Variants in GNL1 observed in about 807,000 individuals in gnomAD.
The protein encoded by GNL1 is G protein nucleolar 1.
In GNL1, 21 loss-of-function variants were observed where a neutral mutation model predicts 75.2. That is an observed-to-expected ratio of 0.28 (90% CI 0.20 to 0.40). GNL1 has a LOEUF of 0.40. Among genes scored for constraint, GNL1 ranks in the 10% least tolerant of loss-of-function variants. The pLI is 1.00. For synonymous variants in GNL1, 287 were observed against 303.4 expected, an observed-to-expected ratio of 0.95 and a Z score of 0.56; for missense variants, 579 against 775.0, an observed-to-expected ratio of 0.75 and a Z score of 3.00.
rs2524221 is a variant in GNL1 at position 30,552,074 on chromosome 6, G to C, written c.1099+393C>G. 0.67 allele frequency: 129,763 copies of C among 195,010 alleles called. 43,384 individuals carry two copies. Among genetic ancestry groups the C allele is most frequent in the South Asian group, 0.76 (4,684 of 6,134 alleles). The allele number at this position is 195,010 out of a possible 1,614,324, so 12.1% of individuals were successfully genotyped here. A position where few individuals can be genotyped will look rare whatever the true frequency, so the allele number is the denominator to read the frequency against. On this transcript the variant is annotated intron_variant, in intron 8 of 11. Transcript: ENST00000376621. The surrounding 1 kb of genome is among the most constrained non-coding windows in gnomAD (Gnocchi z 4.5). ...AGATGGGGTTTCACTATGTTGCCCA[G>C]ACTAGTCTTGAGCTCCTGGTCTCAA...
Position 30,556,396 on chromosome 6 carries a change from T to G in GNL1, c.-193A>C. Reference sequence around the variant, plus strand: ...AGGCGGACGGGGGAGATATAGTCACTTCCCTCCAGGAGCGAGGCGAGAGGA... The same window carrying G: ...AGGCGGACGGGGGAGATATAGTCACGTCCCTCCAGGAGCGAGGCGAGAGGA... On this transcript the variant is annotated 5_prime_UTR_variant, in exon 1 of 12. Coordinates refer to ENST00000376621, the MANE Select transcript of GNL1 (RefSeq NM_005275.5). The surrounding 1 kb of genome is among the most constrained non-coding windows in gnomAD (Gnocchi z 5.7). 29 of 609,080 alleles carry G rather than the reference T, an allele frequency of 4.8e-5. No individual in the cohort carries two copies. Among genetic ancestry groups the G allele is most frequent in the East Asian group, 1.5e-4 (5 of 34,382 alleles). 37.7% of individuals were successfully genotyped at this position (609,080 alleles called of 1,614,324 possible). A position where few individuals can be genotyped will look rare whatever the true frequency, so the allele number is the denominator to read the frequency against.
chr6:30,556,363 G>T lies in GNL1; in HGVS notation c.-160C>A. ...GCCCGACAGAATTACCGCCGCGGCG[G>T]CGATGGAAGGCGGACGGGGGAGATA... On this transcript the variant is annotated 5_prime_UTR_variant, in exon 1 of 12. Coordinates refer to ENST00000376621, the MANE Select transcript of GNL1 (RefSeq NM_005275.5). This position sits in a 1 kb window ranked among gnomAD's most constrained non-coding sequence, Gnocchi z 5.7. The T allele has an allele frequency of 1.4e-6, 1 of 719,552 alleles. No homozygotes were observed. The highest frequency in any genetic ancestry group is 2.3e-6 in the Non-Finnish European group (1 of 431,994). 44.6% of individuals were successfully genotyped at this position (719,552 alleles called of 1,614,324 possible).
chr6:30,555,299 C>T lies in GNL1; in HGVS notation c.240-108G>A. 1 of 1,334,410 alleles carries T rather than the reference C, an allele frequency of 7.5e-7. No individual in the cohort carries two copies. Among genetic ancestry groups the T allele is most frequent in the Non-Finnish European group, 1.0e-6 (1 of 954,274 alleles). The allele number at this position is 1,334,410 out of a possible 1,614,324, so 82.7% of individuals were successfully genotyped here. On this transcript the variant is annotated intron_variant, in intron 2 of 11. Coordinates refer to ENST00000376621, the MANE Select transcript of GNL1 (RefSeq NM_005275.5). The surrounding 1 kb of genome is among the most constrained non-coding windows in gnomAD (Gnocchi z 4.3). ...GCAAACCATTCTCTCCAGAGTCGTT[C>T]AAGTCTCCTCTCTCAAGTCAGACTT...
In GNL1 at chr6:30,541,770, G is replaced by T. The variant is rs1799180933; in HGVS notation, c.*4302C>A. 6.6e-6 allele frequency: 1 copy of T among 152,140 alleles called. No individual in the cohort carries two copies. Among genetic ancestry groups the T allele is most frequent in the Non-Finnish European group, 1.5e-5 (1 of 68,016 alleles). 9.4% of individuals were successfully genotyped at this position (152,140 alleles called of 1,614,324 possible). A position where few individuals can be genotyped will look rare whatever the true frequency, so the allele number is the denominator to read the frequency against. Reference sequence around the variant, plus strand: ...ATATTGCAGTTACTCGTATATTACTGACACTGGAACAGACATGTTTTAACA... The same window carrying T: ...ATATTGCAGTTACTCGTATATTACTTACACTGGAACAGACATGTTTTAACA... On this transcript the variant is annotated 3_prime_UTR_variant, in exon 12 of 12. Coordinates refer to ENST00000376621, the MANE Select transcript of GNL1 (RefSeq NM_005275.5).
In GNL1 at chr6:30,553,460, G is replaced by A; in HGVS notation, c.698C>T (p.Ala233Val). The change falls in exon 6 of 12, where the codon GCT becomes GTT. Residue 233 changes from alanine to valine, a missense_variant. By Grantham distance (64) the Ala-to-Val change is moderately conservative (BLOSUM62 0). Coordinates refer to ENST00000376621, the MANE Select transcript of GNL1 (RefSeq NM_005275.5). ...VLNKVDLAPP[A>V]LVVAWKHYFH... ...ATAATGCTTCCAGGCAACCACAAGA[G>A]CTGGCGGGGCCAGATCCACCTTGTT... The A allele has an allele frequency of 6.2e-7, 1 of 1,612,906 alleles. No homozygotes were observed. The highest frequency in any genetic ancestry group is 8.5e-7 in the Non-Finnish European group (1 of 1,179,870).
chr6:30,554,987 T>TCCTCACAGTCGGCTTTTA, intron 3 of GNL1, 68 bp downstream of exon 3: 2 of 1,609,336 alleles, frequency 1.2e-6, no homozygotes, highest in South Asian at 2.2e-5. Context: ...GACCCCTCCT[T>TCCTCACAGTCGGCTTTTA]CCTCACAGTC....
intron 8 of GNL1, among the ~76,000 whole-genome samples, chr6:30,550,781 A>G (rs1290323724): frequency 6.6e-6 from 1 of 151,908 alleles, no homozygotes; most frequent in Non-Finnish European, 1.5e-5. Context: ...CCAGTACTTT[A>G]TCCTGGCTCC....
intron 8 of GNL1, among the ~76,000 whole-genome samples, chr6:30,550,812 A>G (rs1799730691): frequency 6.6e-6 from 1 of 151,476 alleles, no homozygotes; most frequent in African/African-American, 2.4e-5. Context: ...TCCCCTGGGC[A>G]CTCTTGCTGG....
chr6:30,549,819 C>T (rs905767815), intron 8 of GNL1, among the ~76,000 whole-genome samples: 4 of 150,280 alleles, frequency 2.7e-5, no homozygotes, highest in African/African-American at 9.8e-5. Context: ...TCATCCAATT[C>T]CATGGCTTTT....
At chr6:30,549,478 G>A (rs1222779758) in intron 8 of GNL1, among the ~76,000 whole-genome samples, 3 of 151,992 alleles carry the variant, frequency 2.0e-5, no homozygotes, top group South Asian at 4.2e-4. Flanking sequence ...GATGCTATTG[G>A]GTCAGACTCT....
Position 30,546,617 on chromosome 6 carries a change from C to T in GNL1, c.1582+79G>A. The stretch of plus-strand genomic sequence containing the variant: ...CAACAGGTACAGAATCCAGGTTTGA[C>T]CCTCTCTCTGGCCACAAAGCCCACA... On this transcript the variant is annotated intron_variant, in intron 11 of 11. Transcript: ENST00000376621. The surrounding 1 kb of genome is among the most constrained non-coding windows in gnomAD (Gnocchi z 5.1). The T allele has an allele frequency of 1.7e-6, 2 of 1,201,874 alleles. No homozygotes were observed. The highest frequency in any genetic ancestry group is 2.4e-6 in the Non-Finnish European group (2 of 844,856). The allele number at this position is 1,201,874 out of a possible 1,614,324, so 74.5% of individuals were successfully genotyped here.
At position 30,556,099 on chromosome 6, in the gene GNL1, G is replaced by C; in HGVS notation, c.73+32C>G. 1.3e-6 allele frequency: 2 copies of C among 1,595,170 alleles called. No homozygotes were observed. Among genetic ancestry groups the C allele is most frequent in the Non-Finnish European group, 1.7e-6 (2 of 1,174,274 alleles). On this transcript the variant is annotated intron_variant, in intron 1 of 11. Coordinates refer to ENST00000376621, the MANE Select transcript of GNL1 (RefSeq NM_005275.5). The surrounding 1 kb of genome is among the most constrained non-coding windows in gnomAD (Gnocchi z 5.7). ...TCCTTCCAGATGTGCGGAAGCCCGA[G>C]CCCCGCCCCCTCCTCCCGCTCCCGC... is the stretch of plus-strand genomic sequence containing the variant.
Position 30,552,985 on chromosome 6 carries a change from C to T in GNL1, c.904+99G>A. On this transcript the variant is annotated intron_variant, in intron 7 of 11. Transcript: ENST00000376621. This position sits in a 1 kb window ranked among gnomAD's most constrained non-coding sequence, Gnocchi z 4.5. ...CTTCCCCTGGCCTCTTGCACATATC[C>T]ACCATAGAGGGGTTGGCTTCAGGAA... 1.2e-6 allele frequency: 1 copy of T among 829,942 alleles called. No individual in the cohort carries two copies. Among genetic ancestry groups the T allele is most frequent in the Non-Finnish European group, 2.0e-6 (1 of 499,982 alleles). The allele number at this position is 829,942 out of a possible 1,614,324, so 51.4% of individuals were successfully genotyped here.
In GNL1 at chr6:30,545,135, C is replaced by G. The variant is rs1165463155; in HGVS notation, c.*937G>C. The G allele has an allele frequency of 6.6e-6, 1 of 152,164 alleles. No individual in the cohort carries two copies. Among genetic ancestry groups the G allele is most frequent in the Non-Finnish European group, 1.5e-5 (1 of 68,038 alleles). 9.4% of individuals were successfully genotyped at this position (152,164 alleles called of 1,614,324 possible). ...GATCATCTTTGTTCCACCCCCAAACCAGAGTAAATGGAATTCAGGAGGCTG... is the reference window on the plus strand; with the variant it reads ...GATCATCTTTGTTCCACCCCCAAACGAGAGTAAATGGAATTCAGGAGGCTG... On this transcript the variant is annotated 3_prime_UTR_variant, in exon 12 of 12. Coordinates refer to ENST00000376621, the MANE Select transcript of GNL1 (RefSeq NM_005275.5).
At position 30,544,561 on chromosome 6, in the gene GNL1, G is replaced by A. The variant is rs1284984745; in HGVS notation, c.*1511C>T. 6.6e-6 allele frequency: 1 copy of A among 152,166 alleles called. No homozygotes were observed. Among genetic ancestry groups the A allele is most frequent in the African/African-American group, 2.4e-5 (1 of 41,428 alleles). The allele number at this position is 152,166 out of a possible 1,614,324, so 9.4% of individuals were successfully genotyped here. A position where few individuals can be genotyped will look rare whatever the true frequency, so the allele number is the denominator to read the frequency against. ...AGACAGGTGGATTTTTCTCTCAGCT[G>A]GGACCTTTTCTCTTTCTTGTCTAGC... On this transcript the variant is annotated 3_prime_UTR_variant, in exon 12 of 12. Coordinates refer to ENST00000376621, the MANE Select transcript of GNL1 (RefSeq NM_005275.5).
At chr6:30,553,250 C>A in intron 6 of GNL1, 71 bp from the exon 7 acceptor site, 1 of 1,443,968 alleles carries the variant, frequency 6.9e-7, no homozygotes, top group Non-Finnish European at 9.7e-7. Flanking sequence ...ACCCTTAGGC[C>A]CAAGACCAGG....
chr6:30,555,479 G>C lies in GNL1; in HGVS notation c.239+76C>G, dbSNP rs7757145. 4.8e-3 allele frequency: 6,866 copies of C among 1,420,226 alleles called. 131 individuals are homozygous for C. Among genetic ancestry groups the C allele is most frequent in the East Asian group, 0.043 (1,860 of 43,750 alleles). The allele number at this position is 1,420,226 out of a possible 1,614,324, so 88.0% of individuals were successfully genotyped here. ...CCCAGGCCCACCGTCTTCACCAGTA[G>C]CAGCCCGCTTTCCCCCAAAGCTCTG... On this transcript the variant is annotated intron_variant, in intron 2 of 11. Transcript: ENST00000376621. The surrounding 1 kb of genome is among the most constrained non-coding windows in gnomAD (Gnocchi z 4.3).
At chr6:30,550,433 C>A (rs1009669767) in intron 8 of GNL1, among the ~76,000 whole-genome samples, 3 of 152,138 alleles carry the variant, frequency 2.0e-5, no homozygotes, top group African/African-American at 7.2e-5. Flanking sequence ...AACTGCAAGC[C>A]ATCAGCGATC....
Position 30,556,043 on chromosome 6 carries a change from A to C in GNL1, c.73+88T>G, listed in dbSNP as rs1800153087. On this transcript the variant is annotated intron_variant, in intron 1 of 11. Coordinates refer to ENST00000376621, the MANE Select transcript of GNL1 (RefSeq NM_005275.5). The surrounding 1 kb of genome is among the most constrained non-coding windows in gnomAD (Gnocchi z 5.7). ...TGACGCGGTCCCACGACCCCCTCCC[A>C]CGATCCCCAGAGGTGCAGCGGGCAC... The C allele has an allele frequency of 6.6e-7, 1 of 1,516,138 alleles. No homozygotes were observed. Among genetic ancestry groups the C allele is most frequent in the African/African-American group, 1.4e-5 (1 of 73,198 alleles). The allele number at this position is 1,516,138 out of a possible 1,614,324, so 93.9% of individuals were successfully genotyped here. A position where few individuals can be genotyped will look rare whatever the true frequency, so the allele number is the denominator to read the frequency against.
Sources: allele counts gnomAD v4.1 joint callset (sites outside exome capture counted in the v4.1 genomes callset), GRCh38; gene constraint gnomAD v4.1.1; non-coding constraint Gnocchi (gnomAD v3.1); transcripts MANE v1.5; gene names NCBI Gene and HGNC (gene_info 2026-07-23, HGNC 2026-07-21).